ABCG8: variants seen among roughly 807,000 people sequenced by gnomAD.
The protein encoded by ABCG8 is ATP binding cassette subfamily G member 8.
ABCG8 carries 81 observed loss-of-function variants against 71.3 expected under a neutral mutation model. The observed-to-expected ratio is 1.14, with a 90% CI of 0.95 to 1.37. ABCG8 has a LOEUF of 1.37. Among genes scored for constraint, ABCG8 ranks in the 40% most tolerant of loss-of-function variants. The pLI, the probability that ABCG8 is intolerant of heterozygous loss-of-function variation, is 0.00. For missense variants in ABCG8, 1,119 were observed against 866.2 expected, an observed-to-expected ratio of 1.29 and a Z score of -3.66; for synonymous variants, 451 against 354.7, an observed-to-expected ratio of 1.27 and a Z score of -3.05.
Position 43,844,649 on chromosome 2 carries a change from G to A in ABCG8, c.165+41G>A, listed in dbSNP as rs55726838. 0.011 allele frequency: 16,134 copies of A among 1,509,188 alleles called. 112 individuals carry two copies. Among genetic ancestry groups the A allele is most frequent in the Middle Eastern group, 0.019 (114 of 5,890 alleles). The allele number at this position is 1,509,188 out of a possible 1,614,324, so 93.5% of individuals were successfully genotyped here. A position where few individuals can be genotyped will look rare whatever the true frequency, so the allele number is the denominator to read the frequency against. The stretch of plus-strand genomic sequence containing the variant: ...GGTTCAAGGGGAGAGGAGCAGGCAG[G>A]GACAGCCAGGAAATTCCCCGGGTGG... On this transcript the variant is annotated intron_variant, in intron 2 of 12. Transcript: ENST00000272286.
At chr2:43,841,257 A>G (rs1668574164) in intron 1 of ABCG8, among the ~76,000 whole-genome samples, 1 of 152,150 alleles carries the variant, frequency 6.6e-6, no homozygotes, top group South Asian at 2.1e-4. Context: ...TAGGCATCTG[A>G]CTCAGGAATT....
At chr2:43,839,204 C>A in intron 1 of ABCG8, 88 bp downstream of exon 1, 1 of 1,375,696 alleles carries the variant, frequency 7.3e-7, no homozygotes, top group Non-Finnish European at 1.0e-6. Context: ...GCCTTCTGTC[C>A]TAGCACCACC....
intron 1 of ABCG8, among the ~76,000 whole-genome samples, chr2:43,840,640 C>T (rs1450039587): frequency 6.6e-6 from 1 of 152,150 alleles, no homozygotes; most frequent in African/African-American, 2.4e-5. Context: ...AGTTTCTATC[C>T]TCTTATCTTG....
At chr2:43,840,009 G>C (rs1192989437) in intron 1 of ABCG8, among the ~76,000 whole-genome samples, 2 of 152,220 alleles carry the variant, frequency 1.3e-5, no homozygotes, top group South Asian at 4.1e-4. Context: ...TCAAGAAATA[G>C]CCTTTGACTG....
At chr2:43,858,495 T>A (rs1669190102) in intron 6 of ABCG8, among the ~76,000 whole-genome samples, 1 of 151,630 alleles carries the variant, frequency 6.6e-6, no homozygotes, top group African/African-American at 2.4e-5. Context: ...TGTCATTCTC[T>A]GAATAGTACT....
chr2:43,882,189 A>G lies in ABCG8; in HGVS notation c.*4276A>G, dbSNP rs1670152595. The G allele has an allele frequency of 1.3e-5, 2 of 152,250 alleles. No individual in the cohort carries two copies. The highest frequency in any genetic ancestry group is 2.1e-4 in the South Asian group (1 of 4,830). The allele number at this position is 152,250 out of a possible 1,614,324, so 9.4% of individuals were successfully genotyped here. On this transcript the variant is annotated 3_prime_UTR_variant, in exon 13 of 13. Coordinates refer to ENST00000272286, the MANE Select transcript of ABCG8 (RefSeq NM_022437.3). The stretch of plus-strand genomic sequence containing the variant: ...CTGCTCTTGTTCCTATAAATAGTAT[A>G]TAAGATGTAATCTTGCCCTGGGTTA...
intron 6 of ABCG8, among the ~76,000 whole-genome samples, chr2:43,859,000 A>G (rs1669210878): frequency 7.6e-6 from 1 of 132,084 alleles, no homozygotes; most frequent in African/African-American, 2.9e-5. Flanking sequence ...ATAATTCTCA[A>G]AATCTGGGTG....
chr2:43,852,339 C>T lies in ABCG8; in HGVS notation c.562-15C>T. 1 of 1,612,102 alleles carries T rather than the reference C, an allele frequency of 6.2e-7. No individual in the cohort carries two copies. The highest frequency in any genetic ancestry group is 8.5e-7 in the Non-Finnish European group (1 of 1,179,966). On this transcript the variant is annotated splice_polypyrimidine_tract_variant and intron_variant, in intron 4 of 12. Transcript: ENST00000272286. ...AGGCCCCTGAGGTGGCCTCAAAGCT[C>T]CTTCTGGCCCACAGGTGGAGGACGT... is the stretch of plus-strand genomic sequence containing the variant.
chr2:43,843,837 C>G (rs1303889199), intron 1 of ABCG8, among the ~76,000 whole-genome samples: 1 of 152,088 alleles, frequency 6.6e-6, no homozygotes, highest in Non-Finnish European at 1.5e-5. Flanking sequence ...ACCACTTCGA[C>G]AATAACAACA....
intron 6 of ABCG8, among the ~76,000 whole-genome samples, chr2:43,869,586 G>A (rs1190903055): frequency 6.6e-6 from 1 of 151,136 alleles, no homozygotes; most frequent in Non-Finnish European, 1.5e-5. Flanking sequence ...TCAGTATCTG[G>A]ATAGAATTCT....
chr2:43,846,725 T>G (rs994691870), intron 3 of ABCG8: 5 of 288,114 alleles, frequency 1.7e-5, no homozygotes, highest in African/African-American at 1.1e-4. Context: ...CTCTCACCTC[T>G]CAGACAGCCT....
chr2:43,877,981 G>A lies in ABCG8; in HGVS notation c.*68G>A, dbSNP rs983864721. 5.6e-6 allele frequency: 9 copies of A among 1,610,270 alleles called. No individual in the cohort carries two copies. Among genetic ancestry groups the A allele is most frequent in the South Asian group, 1.1e-5 (1 of 90,448 alleles). On this transcript the variant is annotated 3_prime_UTR_variant, in exon 13 of 13. Transcript: ENST00000272286. ...CCCTTCAACTGCACTCCCTCCTCAG[G>A]AGCCCCTTCCTGGGGACAGTGAGGA...
In ABCG8 at chr2:43,846,254, C is replaced by A. The variant is rs141696243; in HGVS notation, c.265C>A (p.Gln89Lys). The stretch of plus-strand genomic sequence containing the variant: ...CCAGAATTCTTGTGAGCTGGGCATC[C>A]AGAACCTAAGCTTCAAAGTGAGAAG... ...SCQNSCELGIQNLSFKVRSGQ... is the reference protein window; with the variant it reads ...SCQNSCELGIKNLSFKVRSGQ... Residue 89 changes from glutamine (Q) to lysine (K), a missense_variant, in exon 3 of 13, where the codon CAG becomes AAG. Gln to Lys is a moderately conservative substitution (Grantham distance 53). Transcript: ENST00000272286. 1.2e-6 allele frequency: 2 copies of A among 1,614,200 alleles called. No individual in the cohort carries two copies. The highest frequency in any genetic ancestry group is 1.7e-6 in the Non-Finnish European group (2 of 1,180,030).
chr2:43,839,092 A>C lies in ABCG8; in HGVS notation c.39A>C (p.Lys13Asn). The C allele has an allele frequency of 1.3e-6, 2 of 1,551,290 alleles. No homozygotes were observed. The highest frequency in any genetic ancestry group is 1.7e-6 in the Non-Finnish European group (2 of 1,146,800). ...GKAAEERGLP[K>N]GATPQDTSGL... ...CGGCAGAGGAGAGAGGGCTGCCGAA[A>C]GGGGCCACTCCCCAGGATACCTCGG... is the stretch of plus-strand genomic sequence containing the variant. The change falls in exon 1 of 13, where the codon AAA (lysine) becomes AAC (asparagine). Residue 13 changes from lysine to asparagine, a missense_variant. Lys to Asn is a moderately conservative substitution (Grantham distance 94). Coordinates refer to ENST00000272286, the MANE Select transcript of ABCG8 (RefSeq NM_022437.3).
At chr2:43,863,826 C>T (rs1028151202) in intron 6 of ABCG8, among the ~76,000 whole-genome samples, 2 of 151,786 alleles carry the variant, frequency 1.3e-5, no homozygotes, top group Non-Finnish European at 3.0e-5. Flanking sequence ...GGATAGAATT[C>T]TCACTCTCTG....
In ABCG8 at chr2:43,871,859, G is replaced by A. The variant is rs912313424; in HGVS notation, c.965-117G>A. The A allele has an allele frequency of 2.8e-6, 4 of 1,439,550 alleles. No homozygotes were observed. In the African/African-American group the frequency reaches 5.6e-5, roughly 20 times the overall value. The allele number at this position is 1,439,550 out of a possible 1,614,324, so 89.2% of individuals were successfully genotyped here. ...CTTCATGGCTGAGGGTGGGGAGAAT[G>A]TCCCAGAGCCCCACGAGGGGTGATC... is the stretch of plus-strand genomic sequence containing the variant. On this transcript the variant is annotated intron_variant, in intron 6 of 12. Transcript: ENST00000272286.
chr2:43,845,098 GTATA>G lies in ABCG8; in HGVS notation c.165+509_165+512del, dbSNP rs5830773. Among the ~76,000 whole-genome samples the G allele has an allele frequency of 8.7e-4, 113 of 130,124 alleles. 2 individuals carry two copies. Among genetic ancestry groups the G allele is most frequent in the African/African-American group, 2.2e-3 (78 of 36,208 alleles). 85.4% of individuals were successfully genotyped at this position (130,124 alleles called of 152,430 possible). A position where few individuals can be genotyped will look rare whatever the true frequency, so the allele number is the denominator to read the frequency against. On this transcript the variant is annotated intron_variant, in intron 2 of 12. Coordinates refer to ENST00000272286, the MANE Select transcript of ABCG8 (RefSeq NM_022437.3). ...TATATATATGTGTGTGTGTGTGTGT[GTATA>G]TATATATATATATATATAATTTTTT... is the stretch of plus-strand genomic sequence containing the variant.
rs1316304842 is a variant in ABCG8, at chr2:43,852,462, G to C, written c.670G>C (p.Gly224Arg). ...SGGERRRVSI[G>R]VQLLWNPGIL... ...GGGTGAGCGCAGGAGAGTCAGCATT[G>C]GGGTGCAGCTCCTGTGGAACCCAGG... Residue 224 changes from glycine to arginine, a missense_variant, in exon 5 of 13, where the codon GGG becomes CGG. By Grantham distance (125) the Gly-to-Arg change is moderately radical (BLOSUM62 -2). Transcript: ENST00000272286. The C allele has an allele frequency of 6.2e-7, 1 of 1,613,278 alleles. No homozygotes were observed. Among genetic ancestry groups the C allele is most frequent in the African/African-American group, 1.3e-5 (1 of 74,900 alleles).
intron 1 of ABCG8, 39 bp downstream of exon 1, chr2:43,839,155 CG>C: frequency 2.6e-6 from 4 of 1,547,252 alleles, no homozygotes; most frequent in Non-Finnish European, 3.5e-6. Context: ...GCCTGGTGGG[CG>C]GGTAGGAGAA....
Sources: gnomAD v4.1 joint callset for allele counts (sites outside exome capture counted in the v4.1 genomes callset) on GRCh38, gnomAD v4.1.1 for gene constraint, MANE v1.5 for transcripts, NCBI Gene and HGNC (gene_info 2026-07-23, HGNC 2026-07-21) for gene names.